Variants in DSCAM observed in about 807,000 individuals in gnomAD.
The protein encoded by DSCAM is cell adhesion molecule DSCAM.
DSCAM carries 47 observed loss-of-function variants against 217.7 expected under a neutral mutation model. The observed-to-expected ratio is 0.22, with a 90% CI of 0.17 to 0.28. The LOEUF (loss-of-function observed/expected upper bound fraction) is 0.28. DSCAM is among the 10% of genes least tolerant of loss of function. DSCAM has a pLI of 1.00. For synonymous variants in DSCAM, 1,056 were observed against 1,015.3 expected (o/e 1.04, Z -0.76); for missense variants, 2,080 against 2,618.3 (o/e 0.79, Z 4.49).
At chr21:40,305,529 A>C (rs915422878) in intron 9 of DSCAM, among the ~76,000 whole-genome samples, 1 of 152,016 alleles carries the variant, frequency 6.6e-6, no homozygotes, top group Non-Finnish European at 1.5e-5. Flanking sequence ...CCTATGTCCT[A>C]AATGGTAATG....
At chr21:40,682,274 C>T (rs1342413224) in intron 3 of DSCAM, among the ~76,000 whole-genome samples, 5 of 151,894 alleles carry the variant, frequency 3.3e-5, no homozygotes, top group African/African-American at 7.3e-5. Context: ...ATGGATGAAG[C>T]CCTGGAAGAT....
At chr21:40,840,773 T>A (rs1017559606) in intron 1 of DSCAM, among the ~76,000 whole-genome samples, 1 of 151,962 alleles carries the variant, frequency 6.6e-6, no homozygotes, top group African/African-American at 2.4e-5. Context: ...GAATGCAAGA[T>A]AGGGACCAGG....
At chr21:40,095,655 A>C (rs2146596503) in intron 20 of DSCAM, among the ~76,000 whole-genome samples, 1 of 152,332 alleles carries the variant, frequency 6.6e-6, no homozygotes, top group Non-Finnish European at 1.5e-5. Flanking sequence ...GAATATACTA[A>C]GAGCCACTGA....
intron 9 of DSCAM, among the ~76,000 whole-genome samples, chr21:40,302,380 C>T (rs1039637398): frequency 1.3e-5 from 2 of 152,148 alleles, no homozygotes; most frequent in African/African-American, 4.8e-5. Context: ...TGCACAAGCT[C>T]TCTCTTGCCT....
chr21:40,636,377 G>A (rs1479212321), intron 3 of DSCAM, among the ~76,000 whole-genome samples: 7 of 151,664 alleles, frequency 4.6e-5, no homozygotes, highest in Non-Finnish European at 1.0e-4. Context: ...AGAGAGAGAG[G>A]GAGAGAGAGA....
chr21:40,249,081 G>A (rs886774536), intron 11 of DSCAM, among the ~76,000 whole-genome samples: 10 of 152,166 alleles, frequency 6.6e-5, no homozygotes, highest in African/African-American at 2.2e-4. Flanking sequence ...AATTCTAGGA[G>A]ATACAATTCT....
At chr21:40,622,457 C>T (rs540251653) in intron 3 of DSCAM, among the ~76,000 whole-genome samples, 3 of 152,164 alleles carry the variant, frequency 2.0e-5, no homozygotes, top group Non-Finnish European at 2.9e-5. Context: ...CCCTCCCCAC[C>T]GACACCATTC....
At chr21:40,594,257 A>G (rs1019397254) in intron 3 of DSCAM, among the ~76,000 whole-genome samples, 3 of 152,226 alleles carry the variant, frequency 2.0e-5, no homozygotes, top group African/African-American at 7.2e-5. Flanking sequence ...ACTGTGCAAT[A>G]GAGTCTGGAC....
At chr21:40,405,636 TACAATA>T (rs763687535) in intron 3 of DSCAM, among the ~76,000 whole-genome samples, 3 of 152,116 alleles carry the variant, frequency 2.0e-5, no homozygotes, top group Non-Finnish European at 4.4e-5. Context: ...AGAGACTCAA[TACAATA>T]ACAAGAAAGC....
chr21:40,115,871 C>T (rs538007266), intron 20 of DSCAM, among the ~76,000 whole-genome samples: 2 of 152,144 alleles, frequency 1.3e-5, no homozygotes, highest in Non-Finnish European at 2.9e-5. Flanking sequence ...CATTGCAGCT[C>T]TATTCACAAT....
chr21:40,013,171 C>T lies in DSCAM; in HGVS notation c.5902G>A (p.Val1968Met), dbSNP rs746017443. Residue 1968 changes from valine to methionine, a missense_variant, in exon 33 of 33, where the codon GTG (valine) becomes ATG (methionine). Val to Met is a conservative substitution (Grantham distance 21). This residue lies in a region of DSCAM where 145 missense variants were observed against 138.5 expected (regional missense o/e 1.05). Transcript: ENST00000400454. The stretch of plus-strand genomic sequence containing the variant: ...CCCTCCCGCTGAGGTAATGTGGCCA[C>T]GGCCCCCGGCTGCCACGACTGTCCT... Reference protein sequence around the residue: ...REGQSWQPGAVATLPQREGAE... With the variant: ...REGQSWQPGAMATLPQREGAE... 6.2e-6 allele frequency: 10 copies of T among 1,613,500 alleles called. No individual in the cohort carries two copies. The highest frequency in any genetic ancestry group is 1.1e-5 in the South Asian group (1 of 90,906).
chr21:40,694,440 G>T (rs1206080185), intron 2 of DSCAM, among the ~76,000 whole-genome samples: 1 of 152,176 alleles, frequency 6.6e-6, no homozygotes, highest in East Asian at 1.9e-4. Flanking sequence ...GTAGGCAGAG[G>T]TGAGCTCTTT....
chr21:40,271,667 C>T (rs1366582307), intron 11 of DSCAM, among the ~76,000 whole-genome samples: 1 of 152,150 alleles, frequency 6.6e-6, no homozygotes, highest in Non-Finnish European at 1.5e-5. Context: ...GGTTCCTAAA[C>T]AAGATGGCTA....
chr21:40,401,857 G>A (rs1305178596), intron 3 of DSCAM, among the ~76,000 whole-genome samples: 5 of 151,874 alleles, frequency 3.3e-5, no homozygotes, highest in South Asian at 2.1e-4. Flanking sequence ...CCATGGGCCC[G>A]TCTTGCCAGC....
At chr21:40,230,952 T>C (rs1338828633) in intron 11 of DSCAM, among the ~76,000 whole-genome samples, 1 of 151,682 alleles carries the variant, frequency 6.6e-6, no homozygotes, top group Middle Eastern at 3.2e-3. Context: ...ATCCCTGCTC[T>C]GTTCTCTGGC....
intron 32 of DSCAM, among the ~76,000 whole-genome samples, chr21:40,021,472 C>T (rs947548261): frequency 1.3e-5 from 2 of 152,126 alleles, no homozygotes; most frequent in African/African-American, 4.8e-5. Context: ...CACTGGGGCA[C>T]CCATTTCTCA....
At position 40,431,478 on chromosome 21, in the gene DSCAM, A is replaced by C. The variant is rs183667129; in HGVS notation, c.509-62233T>G. On this transcript the variant is annotated intron_variant, in intron 3 of 32. Transcript: ENST00000400454. ...CCTTTATGACTCCTCAGCCTACTCA[A>C]TGTGAAGACGATGAAGACGGAGACC... Among the ~76,000 whole-genome samples the C allele has an allele frequency of 2.6e-5, 4 of 152,220 alleles. 1 individual carries two copies. The South Asian group carries it at 8.3e-4, about 32-fold the overall frequency.
intron 3 of DSCAM, among the ~76,000 whole-genome samples, chr21:40,572,085 GGTGTGTGTGTGTGT>G (rs10553285): frequency 2.0e-5 from 3 of 148,520 alleles, no homozygotes; most frequent in African/African-American, 4.9e-5. Context: ...TGTGTGTGTG[GGTGTGTGTGTGTGT>G]GTGTGTGTGT....
chr21:40,216,949 A>G (rs1398123967), intron 11 of DSCAM, among the ~76,000 whole-genome samples: 2 of 152,238 alleles, frequency 1.3e-5, no homozygotes, highest in Non-Finnish European at 2.9e-5. Context: ...GTAGAAAACA[A>G]AGATGGCTGT....
Sources: gnomAD v4.1 joint callset for allele counts (sites outside exome capture counted in the v4.1 genomes callset) on GRCh38, gnomAD v4.1.1 for gene constraint, gnomAD v4.1.1 regional missense constraint, MANE v1.5 for transcripts, NCBI Gene and HGNC (gene_info 2026-07-23, HGNC 2026-07-21) for gene names.